The following NAALADL2 variants were observed in gnomAD, a reference collection of about 807,000 sequenced individuals.
NAALADL2 encodes the protein N-acetylated alpha-linked acidic dipeptidase like 2, also known as inactive N-acetylated-alpha-linked acidic dipeptidase-like protein 2.
NAALADL2 carries 76 observed loss-of-function variants against 87.2 expected under a neutral mutation model. The ratio of observed to expected loss-of-function variants is 0.87; its 90% CI spans 0.72 to 1.05. NAALADL2 has a LOEUF of 1.05. Ranked by LOEUF, NAALADL2 falls within the 50% of genes least tolerant of loss-of-function variation. The probability of loss-of-function intolerance (pLI) is 0.00; values close to 1 mark genes in which losing one functional copy is unlikely to be tolerated. For synonymous variants in NAALADL2, 354 were observed against 331.0 expected (o/e 1.07, Z -0.75); for missense variants, 1,089 against 945.8 (o/e 1.15, Z -1.99).
At position 175,595,729 on chromosome 3, in the gene NAALADL2, G is replaced by T. The variant is rs1320118405; in HGVS notation, c.1800+19542G>T. Among the ~76,000 whole-genome samples, 3 of 151,842 alleles carry T rather than the reference G, an allele frequency of 2.0e-5. No homozygotes were observed. The East Asian group carries it at 5.8e-4, about 29-fold the overall frequency. ...AGAGAAGTATAAAACACTGTTGAAA[G>T]AAATCAGAGACTACAGAAATGAATG... On this transcript the variant is annotated intron_variant, in intron 10 of 13. Transcript: ENST00000454872.
Position 175,349,800 on chromosome 3 carries a change from TG to T in NAALADL2, c.1090+25476del, listed in dbSNP as rs372939689. Among the ~76,000 whole-genome samples, 299 of 152,282 alleles carry T rather than the reference TG, an allele frequency of 2.0e-3. 2 individuals carry two copies. Among genetic ancestry groups the T allele is most frequent in the African/African-American group, 7.0e-3 (290 of 41,572 alleles). ...TTTAAAAACTATGTCAAGAACCTGATGAGTGCTGAAATCAAGGCCGATGACT... is the reference window on the plus strand; with the variant it reads ...TTTAAAAACTATGTCAAGAACCTGATAGTGCTGAAATCAAGGCCGATGACT... On this transcript the variant is annotated intron_variant, in intron 5 of 13. Coordinates refer to ENST00000454872, the MANE Select transcript of NAALADL2 (RefSeq NM_207015.3).
intron 5 of NAALADL2, among the ~76,000 whole-genome samples, chr3:175,445,972 G>C (rs1016225272): frequency 6.6e-6 from 1 of 152,078 alleles, no homozygotes; most frequent in African/African-American, 2.4e-5. Context: ...GGTTGCCCTT[G>C]GCTGAGATCT....
At chr3:175,787,716 C>G (rs977645399) in intron 13 of NAALADL2, among the ~76,000 whole-genome samples, 1 of 152,114 alleles carries the variant, frequency 6.6e-6, no homozygotes, top group Admixed American at 6.6e-5. Context: ...CTGTTCCTAT[C>G]CGGCCATCTT....
At chr3:175,493,046 C>A (rs1728324290) in intron 9 of NAALADL2, among the ~76,000 whole-genome samples, 1 of 151,878 alleles carries the variant, frequency 6.6e-6, no homozygotes, top group African/African-American at 2.4e-5. Context: ...CTTATGTACA[C>A]ATATCTTTCT....
At position 175,629,622 on chromosome 3, in the gene NAALADL2, A is replaced by T. The variant is rs563474359; in HGVS notation, c.1896+2236A>T. ...AACATAGAATGAAATGATGGTGTCTAGCATCAGAAATCCTCAGCCAGAGAA... is the reference window on the plus strand; with the variant it reads ...AACATAGAATGAAATGATGGTGTCTTGCATCAGAAATCCTCAGCCAGAGAA... On this transcript the variant is annotated intron_variant, in intron 11 of 13. Coordinates refer to ENST00000454872, the MANE Select transcript of NAALADL2 (RefSeq NM_207015.3). 2.0e-5 allele frequency among the ~76,000 whole-genome samples: 3 copies of T among 151,806 alleles called. No homozygotes were observed. The East Asian group carries it at 5.8e-4, about 29-fold the overall frequency.
chr3:174,792,276 GA>G (rs1717554369), intron 3 of NAALADL2, among the ~76,000 whole-genome samples: 1 of 150,752 alleles, frequency 6.6e-6, no homozygotes, highest in African/African-American at 2.4e-5. Context: ...AGGAAGGAAG[GA>G]GGGAGGGAAG....
At chr3:175,231,194 G>A (rs944026171) in intron 2 of NAALADL2, among the ~76,000 whole-genome samples, 1 of 151,812 alleles carries the variant, frequency 6.6e-6, no homozygotes, top group Admixed American at 6.6e-5. Context: ...AAAAGACAAT[G>A]GGAAGCAACA....
intron 9 of NAALADL2, among the ~76,000 whole-genome samples, chr3:175,507,878 G>C (rs77594460): frequency 0.063 from 9,606 of 152,054 alleles, 353 homozygotes; most frequent in African/African-American, 0.089. Flanking sequence ...TTCATACTCT[G>C]TTAGGTTGTT....
chr3:174,910,633 C>T lies in NAALADL2; in HGVS notation c.43+51183C>T, dbSNP rs1021092593. On this transcript the variant is annotated intron_variant, in intron 1 of 13. Transcript: ENST00000454872. ...CAGTCCTGCAGTCCAGGCAGGATGA[C>T]GCTCTGTGGAATAGTGGGACGAGCA... Among the ~76,000 whole-genome samples, 62 of 152,096 alleles carry T rather than the reference C, an allele frequency of 4.1e-4. 1 individual carries two copies. Among genetic ancestry groups the T allele is most frequent in the Middle Eastern group, 3.4e-3 (1 of 294 alleles).
At chr3:174,738,853 A>G (rs1733479193) in intron 3 of NAALADL2, among the ~76,000 whole-genome samples, 1 of 152,270 alleles carries the variant, frequency 6.6e-6, no homozygotes, top group African/African-American at 2.4e-5. Context: ...ACATTTGGGG[A>G]AAAAATTACT....
chr3:175,163,848 T>C (rs1733592052), intron 2 of NAALADL2, among the ~76,000 whole-genome samples: 1 of 152,204 alleles, frequency 6.6e-6, no homozygotes, highest in African/African-American at 2.4e-5. Context: ...GAAAATTCAA[T>C]GATTCATGAG....
At position 175,197,211 on chromosome 3, in the gene NAALADL2, A is replaced by G. The variant is rs536838681; in HGVS notation, c.546-36720A>G. Reference sequence around the variant, plus strand: ...ATTAATTTTCTGCAGCTATGGTTTAAGTCTGCATATGTCTGTATTTGTTTA... The same window carrying G: ...ATTAATTTTCTGCAGCTATGGTTTAGGTCTGCATATGTCTGTATTTGTTTA... On this transcript the variant is annotated intron_variant, in intron 2 of 13. Coordinates refer to ENST00000454872, the MANE Select transcript of NAALADL2 (RefSeq NM_207015.3). Among the ~76,000 whole-genome samples the G allele has an allele frequency of 2.0e-5, 3 of 152,134 alleles. No homozygotes were observed. In the East Asian group the frequency reaches 5.8e-4, roughly 29 times the overall value.
intron 4 of NAALADL2, among the ~76,000 whole-genome samples, chr3:175,260,550 G>C (rs1750856082): frequency 6.6e-6 from 1 of 152,134 alleles, no homozygotes; most frequent in Non-Finnish European, 1.5e-5. Flanking sequence ...ATATATTCTG[G>C]AGCTAAAATT....
intron 1 of NAALADL2, among the ~76,000 whole-genome samples, chr3:174,961,145 C>A (rs1741932322): frequency 2.0e-5 from 3 of 147,626 alleles, no homozygotes; most frequent in Admixed American, 6.8e-5. Context: ...TATAATAATA[C>A]AATGATTTTC....
At chr3:175,472,611 G>A (rs996409694) in intron 9 of NAALADL2, among the ~76,000 whole-genome samples, 1 of 152,148 alleles carries the variant, frequency 6.6e-6, no homozygotes, top group African/African-American at 2.4e-5. Context: ...GCAATGAACA[G>A]AGCTTTGAAT....
chr3:174,569,357 A>T (rs1336495081), intron 2 of NAALADL2, among the ~76,000 whole-genome samples: 2 of 152,044 alleles, frequency 1.3e-5, no homozygotes, highest in African/African-American at 4.8e-5. Flanking sequence ...TAAATAAAGT[A>T]CCCAGTTAAA....
At chr3:175,776,885 G>A (rs981334246) in intron 13 of NAALADL2, among the ~76,000 whole-genome samples, 6 of 151,986 alleles carry the variant, frequency 3.9e-5, no homozygotes, top group Non-Finnish European at 8.8e-5. Flanking sequence ...GAAAATACCT[G>A]CTGGTTCAAC....
intron 1 of NAALADL2, among the ~76,000 whole-genome samples, chr3:174,950,269 T>C (rs1257652549): frequency 6.6e-6 from 1 of 151,860 alleles, no homozygotes; most frequent in Non-Finnish European, 1.5e-5. Context: ...GAGTAGGGAG[T>C]AGATTTTGGG....
intron 2 of NAALADL2, among the ~76,000 whole-genome samples, chr3:174,700,186 G>C (rs893382095): frequency 6.7e-6 from 1 of 150,126 alleles, no homozygotes; most frequent in African/African-American, 2.4e-5. Context: ...TACCAAAAGT[G>C]GCTGAAAGTG....
Sources: allele counts gnomAD v4.1 joint callset (sites outside exome capture counted in the v4.1 genomes callset), GRCh38; gene constraint gnomAD v4.1.1; transcripts MANE v1.5; gene names NCBI Gene and HGNC (gene_info 2026-07-23, HGNC 2026-07-21).